PTPRQ: variants seen among roughly 807,000 people sequenced by gnomAD.
PTPRQ encodes the protein protein tyrosine phosphatase receptor type Q.
A neutral mutation model predicts 246.0 loss-of-function variants in PTPRQ; 199 were observed. That is an observed-to-expected ratio of 0.81 (90% CI 0.72 to 0.91). PTPRQ has a LOEUF of 0.91. Among genes scored for constraint, PTPRQ ranks in the 40% least tolerant of loss-of-function variants. The probability of loss-of-function intolerance (pLI) is 0.00; values close to 1 mark genes in which losing one functional copy is unlikely to be tolerated. For missense variants in PTPRQ, 2,624 were observed against 2,528.4 expected (o/e 1.04, Z -0.81); for synonymous variants, 869 against 853.2 (o/e 1.02, Z -0.32).
Position 80,481,527 on chromosome 12 carries a change from C to T in PTPRQ, c.1187-2906C>T, listed in dbSNP as rs540465363. On this transcript the variant is annotated intron_variant, in intron 8 of 44. Transcript: ENST00000644991. ...ATAGTGTTGGAAGTTCTGCCCAGGG[C>T]AATTAGGCAGGAGAAGGAAATAAAG... Among the ~76,000 whole-genome samples the T allele has an allele frequency of 2.0e-3, 298 of 152,010 alleles. 3 individuals carry two copies. Among genetic ancestry groups the T allele is most frequent in the East Asian group, 0.015 (80 of 5,174 alleles).
chr12:80,561,187 G>A (rs1204946478), intron 25 of PTPRQ: 1 of 152,220 alleles, frequency 6.6e-6, no homozygotes, highest in African/African-American at 2.4e-5. Context: ...TTGTCAGAGA[G>A]GAAATTTGAG....
At position 80,673,754 on chromosome 12, in the gene PTPRQ, A is replaced by G. The variant is rs532088892; in HGVS notation, c.6738+450A>G. 2.0e-5 allele frequency among the ~76,000 whole-genome samples: 3 copies of G among 152,224 alleles called. No individual in the cohort carries two copies. In the East Asian group the frequency reaches 5.8e-4, roughly 29 times the overall value. ...ATCCCTATTGCATACCAGTACTAAT[A>G]ATGATTATTGTAGCACGCTATCAAC... On this transcript the variant is annotated intron_variant, in intron 43 of 44. Coordinates refer to ENST00000644991, the MANE Select transcript of PTPRQ (RefSeq NM_001145026.2).
chr12:80,494,764 T>C (rs1894556169), intron 10 of PTPRQ, among the ~76,000 whole-genome samples, 169 bp from the exon 11 acceptor site: 1 of 152,022 alleles, frequency 6.6e-6, no homozygotes, highest in South Asian at 2.1e-4. Flanking sequence ...CTAAAATTAA[T>C]ATTTTTATGT....
Position 80,616,231 on chromosome 12 carries a change from C to T in PTPRQ, c.5195C>T (p.Pro1732Leu). 6.7e-7 allele frequency: 1 copy of T among 1,491,108 alleles called. No individual in the cohort carries two copies. Among genetic ancestry groups the T allele is most frequent in the Admixed American group, 2.3e-5 (1 of 42,950 alleles). 92.4% of individuals were successfully genotyped at this position (1,491,108 alleles called of 1,614,324 possible). The change falls in exon 30 of 45, where the codon CCA (proline) becomes CTA (leucine). Residue 1732 changes from proline (P) to leucine (L), a missense_variant. Transcript: ENST00000644991. Reference protein sequence around the residue: ...VYAVNSAGAGPKVPMRITMDI... With the variant: ...VYAVNSAGAGLKVPMRITMDI... ...GCAGTCAATAGTGCTGGTGCAGGTCCAAAGGTTCCGATGAGAATAACCATG... is the reference window on the plus strand; with the variant it reads ...GCAGTCAATAGTGCTGGTGCAGGTCTAAAGGTTCCGATGAGAATAACCATG...
intron 35 of PTPRQ, among the ~76,000 whole-genome samples, chr12:80,645,737 T>C (rs1297178724): frequency 6.6e-6 from 1 of 152,022 alleles, no homozygotes; most frequent in East Asian, 1.9e-4. Context: ...TGTTAACATT[T>C]GAATCAGGTA....
chr12:80,539,193 C>A (rs932509004), intron 19 of PTPRQ, among the ~76,000 whole-genome samples: 1 of 152,014 alleles, frequency 6.6e-6, no homozygotes, highest in African/African-American at 2.4e-5. Context: ...GAATTTAAAA[C>A]TTTCTCTTAC....
At chr12:80,677,514 A>G (rs1335351066) in intron 43 of PTPRQ, among the ~76,000 whole-genome samples, 2 of 152,222 alleles carry the variant, frequency 1.3e-5, no homozygotes, top group Non-Finnish European at 2.9e-5. Context: ...GACTAAGTCA[A>G]CAAACACTTA....
chr12:80,601,848 A>G (rs1215021998), intron 26 of PTPRQ, among the ~76,000 whole-genome samples: 3 of 151,762 alleles, frequency 2.0e-5, no homozygotes, highest in African/African-American at 4.8e-5. Context: ...AATTACCTAA[A>G]TGAATTAGGC....
chr12:80,450,342 C>T (rs1222179439), intron 3 of PTPRQ, among the ~76,000 whole-genome samples: 18 of 152,146 alleles, frequency 1.2e-4, no homozygotes, highest in Non-Finnish European at 1.0e-4. Context: ...ATTTGACTTC[C>T]TCTTTTCCTA....
chr12:80,539,794 G>C lies in PTPRQ; in HGVS notation c.3004G>C (p.Val1002Leu). 6.5e-7 allele frequency: 1 copy of C among 1,545,764 alleles called. No homozygotes were observed. Among genetic ancestry groups the C allele is most frequent in the Non-Finnish European group, 8.7e-7 (1 of 1,144,908 alleles). ...TFMQNFTLHE[V>L]TNDFDNMTVS... ...TTTTCAGAATTTTACACTCCATGAA[G>C]TAACCAATGACTTTGACAATATGAC... The change falls in exon 20 of 45, where the codon GTA becomes CTA. Residue 1002 changes from valine to leucine, a missense_variant. Physicochemically the swap from Val to Leu is conservative, Grantham distance 32. Coordinates refer to ENST00000644991, the MANE Select transcript of PTPRQ (RefSeq NM_001145026.2).
chr12:80,592,394 TC>T (rs1897828762), intron 26 of PTPRQ, among the ~76,000 whole-genome samples: 1 of 152,174 alleles, frequency 6.6e-6, no homozygotes, highest in Non-Finnish European at 1.5e-5. Context: ...CAATTGAATT[TC>T]CAAATTTCAT....
chr12:80,521,684 G>A (rs895583623), intron 17 of PTPRQ, among the ~76,000 whole-genome samples: 9 of 152,074 alleles, frequency 5.9e-5, no homozygotes, highest in East Asian at 3.9e-4. Context: ...GATATGAGGC[G>A]TTATTTCTGA....
chr12:80,600,762 G>A (rs1848439814), intron 26 of PTPRQ, among the ~76,000 whole-genome samples: 1 of 151,686 alleles, frequency 6.6e-6, no homozygotes, highest in Admixed American at 6.6e-5. Context: ...AGATACCAAG[G>A]ATCACAGTCT....
Position 80,542,800 on chromosome 12 carries a change from C to T in PTPRQ, c.3792C>T (p.Ser1264=), listed in dbSNP as rs536070250. The T allele has an allele frequency of 6.5e-7, 1 of 1,548,820 alleles. No individual in the cohort carries two copies. The highest frequency in any genetic ancestry group is 2.5e-5 in the East Asian group (1 of 40,732). The change falls in exon 23 of 45, where the codon AGC becomes AGT. Residue 1264 remains serine (S), a synonymous_variant. Transcript: ENST00000644991. ...CAGACTTTGTATGGCTGAAATGGAG[C>T]CCAAGTCCTCTTCCAGGTGGTATTG... ...CTSDFVWLKW[S]PSPLPGGIVK...
intron 27 of PTPRQ, among the ~76,000 whole-genome samples, chr12:80,607,431 T>TTTCCTTCCTTCCTTCC (rs57625204): frequency 0.023 from 3,163 of 139,334 alleles, 87 homozygotes; most frequent in African/African-American, 0.049. Flanking sequence ...AGTAGAGGTA[T>TTTCCTTCCTTCCTTCC]TTCCTTCCTT....
In PTPRQ at chr12:80,545,100, C is replaced by G. The variant is rs563017312; in HGVS notation, c.3874-1456C>G. ...TGCCCTCTTGGGTTCAGTTGTTTCTCTGGTTTTTAGCCCTTCCTAACCAAA... is the reference window on the plus strand; with the variant it reads ...TGCCCTCTTGGGTTCAGTTGTTTCTGTGGTTTTTAGCCCTTCCTAACCAAA... On this transcript the variant is annotated intron_variant, in intron 23 of 44. Transcript: ENST00000644991. Among the ~76,000 whole-genome samples, 4 of 152,186 alleles carry G rather than the reference C, an allele frequency of 2.6e-5. No homozygotes were observed. In the East Asian group the frequency reaches 7.7e-4, roughly 29 times the overall value.
intron 42 of PTPRQ, 95 bp downstream of exon 42, chr12:80,670,587 C>T: frequency 7.2e-7 from 1 of 1,391,758 alleles, no homozygotes; most frequent in South Asian, 1.9e-5. Context: ...ATGTAAATTT[C>T]TTCCAGCTTG....
rs1246337229 is a variant in PTPRQ at position 80,546,817 on chromosome 12, T to C, written c.4015+120T>C. The C allele has an allele frequency of 4.1e-6, 5 of 1,209,190 alleles. No homozygotes were observed. The East Asian group carries it at 1.3e-4, about 31-fold the overall frequency. 74.9% of individuals were successfully genotyped at this position (1,209,190 alleles called of 1,614,324 possible). A position where few individuals can be genotyped will look rare whatever the true frequency, so the allele number is the denominator to read the frequency against. The stretch of plus-strand genomic sequence containing the variant: ...AGAGTCTACTCAAAGGGAAATTGCA[T>C]TTCAGTGCTTTACGTTTAGTCTTGG... On this transcript the variant is annotated intron_variant, in intron 24 of 44. Coordinates refer to ENST00000644991, the MANE Select transcript of PTPRQ (RefSeq NM_001145026.2).
chr12:80,473,640 G>T (rs4343087), intron 8 of PTPRQ, among the ~76,000 whole-genome samples: 74,541 of 152,094 alleles, frequency 0.49, 22,013 homozygotes, highest in South Asian at 0.65. Flanking sequence ...TTGGACTACA[G>T]CATGTGACAA....
Sources: gnomAD v4.1 joint callset for allele counts (sites outside exome capture counted in the v4.1 genomes callset) on GRCh38, gnomAD v4.1.1 for gene constraint, MANE v1.5 for transcripts, NCBI Gene and HGNC (gene_info 2026-07-23, HGNC 2026-07-21) for gene names.